PRDM5: variants seen among roughly 807,000 people sequenced by gnomAD.
PRDM5 encodes the protein PR domain zinc finger protein 5.
In PRDM5, 56 loss-of-function variants were observed where a neutral mutation model predicts 81.2. The observed-to-expected ratio is 0.69, with a 90% CI of 0.56 to 0.86. The LOEUF (loss-of-function observed/expected upper bound fraction) is 0.86, where lower values mean the gene tolerates loss of function less well. Ranked by LOEUF, PRDM5 falls within the 40% of genes least tolerant of loss-of-function variation. The pLI is 0.00. For synonymous variants in PRDM5, 267 were observed against 256.4 expected, an observed-to-expected ratio of 1.04 and a Z score of -0.39; for missense variants, 697 against 770.1, an observed-to-expected ratio of 0.91 and a Z score of 1.12.
intron 13 of PRDM5, among the ~76,000 whole-genome samples, chr4:120,768,678 C>A (rs1045481852): frequency 2.0e-5 from 3 of 152,192 alleles, no homozygotes; most frequent in Non-Finnish European, 4.4e-5. Flanking sequence ...CACAGACTCA[C>A]CCTTGTCAAA....
At chr4:120,706,801 A>G (rs1027520541) in intron 15 of PRDM5, among the ~76,000 whole-genome samples, 3 of 148,818 alleles carry the variant, frequency 2.0e-5, no homozygotes, top group African/African-American at 7.4e-5. Context: ...TGGTTACCCA[A>G]TTTGCCAACA....
chr4:120,871,135 C>T (rs1267923098), intron 2 of PRDM5, among the ~76,000 whole-genome samples: 1 of 152,166 alleles, frequency 6.6e-6, no homozygotes, highest in East Asian at 1.9e-4. Flanking sequence ...CTTCTGCCTG[C>T]CAGAAAGTTT....
At chr4:120,785,201 A>C in intron 10 of PRDM5, 110 bp from the exon 11 acceptor site, 1 of 831,326 alleles carries the variant, frequency 1.2e-6, no homozygotes, top group Admixed American at 1.9e-5. Flanking sequence ...GAAGGTGGAC[A>C]GTATCTGTTT....
chr4:120,829,163 G>A (rs945299517), intron 3 of PRDM5, among the ~76,000 whole-genome samples: 1 of 152,004 alleles, frequency 6.6e-6, no homozygotes, highest in African/African-American at 2.4e-5. Context: ...ACCTTGTAAG[G>A]TTGAGAGGCC....
In PRDM5 at chr4:120,784,862, C is replaced by A. The variant is rs374626560; in HGVS notation, c.1282+136G>T. 3 of 553,466 alleles carry A rather than the reference C, an allele frequency of 5.4e-6. No homozygotes were observed. The African/African-American group carries it at 5.7e-5, about 10-fold the overall frequency. The allele number at this position is 553,466 out of a possible 1,614,324, so 34.3% of individuals were successfully genotyped here. ...GAAAAAAAGTGAAAGGCAGAATTTT[C>A]GGTCTTTCTTATGTTTACAGTCAGA... is the stretch of plus-strand genomic sequence containing the variant. On this transcript the variant is annotated intron_variant, in intron 11 of 15. Coordinates refer to ENST00000264808, the MANE Select transcript of PRDM5 (RefSeq NM_018699.4).
intron 14 of PRDM5, among the ~76,000 whole-genome samples, chr4:120,745,792 C>G (rs1742897969): frequency 2.1e-5 from 3 of 146,212 alleles, no homozygotes; most frequent in Admixed American, 2.0e-4. Flanking sequence ...AGGATACAAA[C>G]AAATGGAAGA....
chr4:120,859,206 CAACTTTTTTTT>C (rs145087012), intron 2 of PRDM5, among the ~76,000 whole-genome samples: 3,400 of 149,288 alleles, frequency 0.023, 114 homozygotes, highest in African/African-American at 0.073. Context: ...CATACCATGT[CAACTTTTTTTT>C]TTTTTTTTTA....
chr4:120,774,898 A>ATGTATG, intron 13 of PRDM5, among the ~76,000 whole-genome samples: 2 of 142,312 alleles, frequency 1.4e-5, no homozygotes, highest in African/African-American at 5.2e-5. Flanking sequence ...CTATATATAT[A>ATGTATG]TATATATATG....
At chr4:120,702,043 G>T (rs1480725443) in intron 15 of PRDM5, among the ~76,000 whole-genome samples, 1 of 152,050 alleles carries the variant, frequency 6.6e-6, no homozygotes, top group African/African-American at 2.4e-5. Context: ...TCAACAAATG[G>T]GGAATATTAC....
At chr4:120,840,317 GC>G (rs1757870974) in intron 3 of PRDM5, among the ~76,000 whole-genome samples, 1 of 152,164 alleles carries the variant, frequency 6.6e-6, no homozygotes, top group Non-Finnish European at 1.5e-5. Context: ...TTGGCTCAGG[GC>G]CCTGCCTGGG....
At position 120,797,516 on chromosome 4, in the gene PRDM5, G is replaced by A. The variant is rs186529564; in HGVS notation, c.1188+751C>T. Among the ~76,000 whole-genome samples the A allele has an allele frequency of 1.2e-3, 176 of 152,200 alleles. 1 individual carries two copies. Among genetic ancestry groups the A allele is most frequent in the African/African-American group, 4.2e-3 (174 of 41,546 alleles). On this transcript the variant is annotated intron_variant, in intron 10 of 15. Transcript: ENST00000264808. Reference sequence around the variant, plus strand: ...TGAAAGTGATGAGATAATGTAAAGGGTAGAGTCTTTATATTTGGCTTCTAA... The same window carrying A: ...TGAAAGTGATGAGATAATGTAAAGGATAGAGTCTTTATATTTGGCTTCTAA...
intron 3 of PRDM5, among the ~76,000 whole-genome samples, chr4:120,848,654 C>T (rs575455790): frequency 6.6e-6 from 1 of 152,244 alleles, no homozygotes; most frequent in South Asian, 2.1e-4. Flanking sequence ...AGGATTAACA[C>T]AGATTTCAAC....
chr4:120,812,444 G>A (rs186761646), intron 7 of PRDM5: 41 of 69,470 alleles, frequency 5.9e-4, no homozygotes, highest in Admixed American at 2.5e-3. Context: ...TCGTTATTCC[G>A]TCTTTTGGAT....
At chr4:120,889,037 T>G (rs908108218) in intron 2 of PRDM5, among the ~76,000 whole-genome samples, 3 of 152,190 alleles carry the variant, frequency 2.0e-5, no homozygotes, top group African/African-American at 2.4e-5. Flanking sequence ...TCTTTCATTC[T>G]CTTTGTAGTA....
intron 4 of PRDM5, 82 bp downstream of exon 4, chr4:120,821,088 GC>G: frequency 6.9e-7 from 1 of 1,445,994 alleles, no homozygotes; most frequent in Non-Finnish European, 9.7e-7. Context: ...ATATTACAAG[GC>G]AACTATAATT....
intron 14 of PRDM5, among the ~76,000 whole-genome samples, chr4:120,742,856 C>A (rs1380064957): frequency 1.3e-5 from 2 of 152,150 alleles, no homozygotes; most frequent in East Asian, 3.8e-4. Context: ...AAACACTCTG[C>A]AGGATATTAT....
At chr4:120,804,802 A>G (rs1348822969) in intron 8 of PRDM5, among the ~76,000 whole-genome samples, 4 of 152,204 alleles carry the variant, frequency 2.6e-5, no homozygotes, top group Non-Finnish European at 4.4e-5. Context: ...TAGAGAAGCA[A>G]GAACAAACAC....
At chr4:120,716,874 T>C (rs545417974) in intron 14 of PRDM5, among the ~76,000 whole-genome samples, 59 of 152,276 alleles carry the variant, frequency 3.9e-4, no homozygotes, top group African/African-American at 1.3e-3. Context: ...ACGCATTTTC[T>C]TTCTCAGAGA....
At chr4:120,857,241 C>T (rs958115436) in intron 2 of PRDM5, among the ~76,000 whole-genome samples, 9 of 152,046 alleles carry the variant, frequency 5.9e-5, no homozygotes, top group African/African-American at 2.2e-4. Context: ...GCCTATAGTC[C>T]CAGCTATTTG....
Sources: allele counts gnomAD v4.1 joint callset (sites outside exome capture counted in the v4.1 genomes callset), GRCh38; gene constraint gnomAD v4.1.1; transcripts MANE v1.5; gene names NCBI Gene and HGNC (gene_info 2026-07-23, HGNC 2026-07-21).